Variants in GNL2 observed in about 807,000 individuals in gnomAD.
GNL2 encodes nucleolar GTP-binding protein 2.
A neutral mutation model predicts 92.3 loss-of-function variants in GNL2; 51 were observed. The ratio of observed to expected loss-of-function variants is 0.55; its 90% CI spans 0.44 to 0.70. The LOEUF (loss-of-function observed/expected upper bound fraction) is 0.70, where lower values mean the gene tolerates loss of function less well. GNL2 is among the 30% of genes least tolerant of loss of function. The pLI is 0.00. For synonymous variants in GNL2, 283 were observed against 300.6 expected (o/e 0.94, Z 0.61); for missense variants, 844 against 895.6 (o/e 0.94, Z 0.74).
Position 37,569,097 on chromosome 1 carries a change from T to C in GNL2, c.1622A>G (p.Gln541Arg), listed in dbSNP as rs141314271. The change falls in exon 13 of 16, where the codon CAG becomes CGG. Residue 541 changes from glutamine to arginine, a missense_variant. Physicochemically the swap from Gln to Arg is conservative, Grantham distance 43 (BLOSUM62 1). Transcript: ENST00000373062. Reference sequence around the variant, plus strand: ...AGGAACCAGGTCATCCCCAGAAAACTGAGGCACCACGTTGATTTTACCAAA... The same window carrying C: ...AGGAACCAGGTCATCCCCAGAAAACCGAGGCACCACGTTGATTTTACCAAA... Reference protein sequence around the residue: ...QNFGKINVVPQFSGDDLVPVE... With the variant: ...QNFGKINVVPRFSGDDLVPVE... 6.2e-7 allele frequency: 1 copy of C among 1,614,172 alleles called. No individual in the cohort carries two copies. The highest frequency in any genetic ancestry group is 8.5e-7 in the Non-Finnish European group (1 of 1,180,024).
chr1:37,587,217 A>G, intron 5 of GNL2, 94 bp downstream of exon 5: 2 of 944,332 alleles, frequency 2.1e-6, no homozygotes, highest in South Asian at 3.4e-5. Flanking sequence ...CAGTGGGCCA[A>G]GATCGCACCA....
In GNL2 at chr1:37,574,655, G is replaced by A. The variant is rs200099282; in HGVS notation, c.1302+10C>T. ...AGTATCAGTCTAAATTCTCACAAAC[G>A]CCGGGTCACCTTTAGTAACTTCCCA... On this transcript the variant is annotated intron_variant, in intron 11 of 15. Transcript: ENST00000373062. 56 of 1,612,206 alleles carry A rather than the reference G, an allele frequency of 3.5e-5. No individual in the cohort carries two copies. In the African/African-American group the frequency reaches 5.6e-4, roughly 16 times the overall value.
chr1:37,573,122 G>A (rs1016731632), intron 12 of GNL2, among the ~76,000 whole-genome samples: 1 of 152,196 alleles, frequency 6.6e-6, no homozygotes, highest in Non-Finnish European at 1.5e-5. Context: ...ATGAATGAAA[G>A]ATGCAATACA....
At chr1:37,590,917 G>T in intron 3 of GNL2, 72 bp from the exon 4 acceptor site, 2 of 1,261,262 alleles carry the variant, frequency 1.6e-6, no homozygotes, top group South Asian at 1.4e-5. Flanking sequence ...CACGGTGAAA[G>T]GCAAGATTTT....
intron 8 of GNL2, among the ~76,000 whole-genome samples, chr1:37,578,516 C>A (rs544192336): frequency 6.6e-6 from 1 of 150,818 alleles, no homozygotes; most frequent in South Asian, 2.1e-4. Flanking sequence ...TCAACAAGGC[C>A]ACTCCATGGA....
chr1:37,568,883 G>C lies in GNL2; in HGVS notation c.1836C>G (p.Asp612Glu). 6.2e-7 allele frequency: 1 copy of C among 1,613,980 alleles called. No homozygotes were observed. Among genetic ancestry groups the C allele is most frequent in the Admixed American group, 1.7e-5 (1 of 60,002 alleles). Residue 612 changes from aspartate (D) to glutamate (E), a missense_variant, in exon 13 of 16, where the codon GAC becomes GAG. Physicochemically the swap from Asp to Glu is conservative, Grantham distance 45 (BLOSUM62 2). Transcript: ENST00000373062. ...EKIAKYQKFLDKAKAKKFSAV... is the reference protein window; with the variant it reads ...EKIAKYQKFLEKAKAKKFSAV... ...CTGAAAACTTTTTGGCTTTGGCTTT[G>C]TCTAGAAACTTCTGATATTTGGCAA...
chr1:37,577,111 A>T (rs1570056377), intron 8 of GNL2, among the ~76,000 whole-genome samples: 1 of 151,676 alleles, frequency 6.6e-6, no homozygotes, highest in Non-Finnish European at 1.5e-5. Context: ...CAGTCTCAAA[A>T]AAAAAAAAAA....
Position 37,592,821 on chromosome 1 carries a change from G to A in GNL2, c.150-15C>T, listed in dbSNP as rs145096231. On this transcript the variant is annotated splice_polypyrimidine_tract_variant and intron_variant, in intron 2 of 15. Transcript: ENST00000373062. Reference sequence around the variant, plus strand: ...CACGACTGTTCCTAAATTGAGGAAAGAACAGATATTGGTTGACAACAGAAA... The same window carrying A: ...CACGACTGTTCCTAAATTGAGGAAAAAACAGATATTGGTTGACAACAGAAA... 2.9e-5 allele frequency: 41 copies of A among 1,408,936 alleles called. 1 individual carries two copies. In the East Asian group the frequency reaches 4.3e-4, roughly 15 times the overall value. 87.3% of individuals were successfully genotyped at this position (1,408,936 alleles called of 1,614,324 possible). A position where few individuals can be genotyped will look rare whatever the true frequency, so the allele number is the denominator to read the frequency against.
chr1:37,591,243 T>G (rs138437158), intron 3 of GNL2, among the ~76,000 whole-genome samples: 3 of 152,136 alleles, frequency 2.0e-5, no homozygotes, highest in Non-Finnish European at 2.9e-5. Flanking sequence ...ACACTGAAAT[T>G]TGAGTCATAG....
At chr1:37,577,651 T>C (rs188472991) in intron 8 of GNL2, among the ~76,000 whole-genome samples, 1,721 of 151,314 alleles carry the variant, frequency 0.011, 18 homozygotes, top group Middle Eastern at 0.044. Flanking sequence ...AAACTAAAGA[T>C]CCAGCAATAA....
At chr1:37,579,385 T>C (rs924854375) in intron 8 of GNL2, among the ~76,000 whole-genome samples, 5 of 152,018 alleles carry the variant, frequency 3.3e-5, no homozygotes, top group Middle Eastern at 3.4e-3. Flanking sequence ...CCGTCTCTAC[T>C]AAAGATACAA....
rs148032409 is a variant in GNL2 at position 37,575,697 on chromosome 1, G to A, written c.1041C>T (p.Val347=). The change falls in exon 10 of 16, where the codon GTC becomes GTT. Residue 347 remains valine (V), a splice_region_variant and synonymous_variant. Coordinates refer to ENST00000373062, the MANE Select transcript of GNL2 (RefSeq NM_013285.3). The surrounding 1 kb of genome is among the most constrained non-coding windows in gnomAD (Gnocchi z 4.1). ...NVAPIAGETK[V]WQYITLMRRI... ...GACGCATCAAAGTAATATACTGCCAGACCTGAAGTCAGAAAAAAGTCAGAG... is the reference window on the plus strand; with the variant it reads ...GACGCATCAAAGTAATATACTGCCAAACCTGAAGTCAGAAAAAAGTCAGAG... 2.5e-6 allele frequency: 4 copies of A among 1,587,860 alleles called. No individual in the cohort carries two copies. The highest frequency in any genetic ancestry group is 3.4e-6 in the Non-Finnish European group (4 of 1,168,364).
chr1:37,595,672 G>A lies in GNL2; in HGVS notation c.64+87C>T, dbSNP rs1478813133. ...AGTCATTCTAAGCAATGCCACTCGA[G>A]TAACCCTCCTTCCCCTCCAGTGCTC... On this transcript the variant is annotated intron_variant, in intron 1 of 15. Transcript: ENST00000373062. 1.7e-5 allele frequency: 19 copies of A among 1,136,712 alleles called. No homozygotes were observed. In the Admixed American group the frequency reaches 2.9e-4, roughly 17 times the overall value. 70.4% of individuals were successfully genotyped at this position (1,136,712 alleles called of 1,614,324 possible). A position where few individuals can be genotyped will look rare whatever the true frequency, so the allele number is the denominator to read the frequency against.
chr1:37,576,124 C>G, intron 9 of GNL2: 1 of 331,134 alleles, frequency 3.0e-6, no homozygotes, highest in Non-Finnish European at 5.5e-6. Context: ...ACCCAGGCAT[C>G]AAATATTCTT....
Position 37,569,114 on chromosome 1 carries a change from T to TGG in GNL2, c.1604_1605insCC (p.Lys535AsnfsTer78). On this transcript the variant is annotated frameshift_variant, in exon 13 of 16. Transcript: ENST00000373062. LOFTEE classifies it high-confidence loss of function. ...CAGAAAACTGAGGCACCACGTTGAT[T>TGG]TTACCAAAGTTCTGCCGAACTCGTG... 1 of 1,614,172 alleles carries TGG rather than the reference T, an allele frequency of 6.2e-7. No individual in the cohort carries two copies. Among genetic ancestry groups the TGG allele is most frequent in the Non-Finnish European group, 8.5e-7 (1 of 1,180,030 alleles).
At chr1:37,576,163 G>A in intron 9 of GNL2, 1 of 373,426 alleles carries the variant, frequency 2.7e-6, no homozygotes, top group Non-Finnish European at 4.8e-6. Context: ...AAAATAAAAG[G>A]CTGGAGTGAT....
At chr1:37,576,665 T>A (rs1037859925) in intron 8 of GNL2, 109 bp from the exon 9 acceptor site, 1 of 1,046,186 alleles carries the variant, frequency 9.6e-7, no homozygotes. Context: ...AAACTGTTGA[T>A]ACAACTTGAT....
intron 2 of GNL2, 82 bp downstream of exon 2, chr1:37,593,680 G>A: frequency 1.1e-6 from 1 of 901,580 alleles, no homozygotes. Flanking sequence ...GTGGGGGTGA[G>A]AACAGCAAAG....
intron 12 of GNL2, among the ~76,000 whole-genome samples, chr1:37,571,609 C>T (rs1391297717): frequency 6.6e-6 from 1 of 152,174 alleles, no homozygotes; most frequent in Non-Finnish European, 1.5e-5. Flanking sequence ...ACCCCAAACT[C>T]CTCGTGGAAA....
Sources: allele counts gnomAD v4.1 joint callset (sites outside exome capture counted in the v4.1 genomes callset), GRCh38; gene constraint gnomAD v4.1.1; non-coding constraint Gnocchi (gnomAD v3.1); transcripts MANE v1.5; gene names NCBI Gene and HGNC (gene_info 2026-07-23, HGNC 2026-07-21).